NPM2: variants seen among roughly 807,000 people sequenced by gnomAD.
NPM2 encodes the protein nucleoplasmin-2.
Under a neutral mutation model 32.0 loss-of-function variants are expected in NPM2, and 25 were observed. The ratio of observed to expected loss-of-function variants is 0.78; its 90% confidence interval spans 0.57 to 1.09. The LOEUF is 1.09. Ranked by LOEUF, NPM2 falls within the 50% of genes least tolerant of loss-of-function variation. The pLI, the probability that NPM2 is intolerant of heterozygous loss-of-function variation, is 0.00. For synonymous variants in NPM2, 111 were observed against 94.2 expected, an observed-to-expected ratio of 1.18 and a Z score of -1.04; for missense variants, 282 against 259.9, an observed-to-expected ratio of 1.08 and a Z score of -0.58.
intron 5 of NPM2, among the ~76,000 whole-genome samples, chr8:22,027,463 TGATA>T (rs1323073620): frequency 6.6e-6 from 1 of 152,236 alleles, no homozygotes; most frequent in African/African-American, 2.4e-5. Context: ...TAAATGGCTT[TGATA>T]GATATCTAAT....
At chr8:22,028,191 C>T (rs568841583) in intron 5 of NPM2, among the ~76,000 whole-genome samples, 4 of 152,262 alleles carry the variant, frequency 2.6e-5, no homozygotes, top group South Asian at 2.1e-4. Flanking sequence ...CACACTCATT[C>T]GTTTGTACCC....
In NPM2 at chr8:22,033,178, C is replaced by T. The variant is rs376756058; in HGVS notation, c.319C>T (p.Arg107Trp). ...TTCTCCCCCAGTTACTTTCCAGCTC[C>T]GGGCTGGCTCAGGACCCGTGTTCCT... ...QLSPPVTFQL[R>W]AGSGPVFLSG... Residue 107 changes from arginine to tryptophan, a missense_variant, in exon 6 of 10, where the codon CGG (arginine) becomes TGG (tryptophan). Physicochemically the swap from Arg to Trp is moderately radical, Grantham distance 101. Transcript: ENST00000518119. 79 of 1,613,970 alleles carry T rather than the reference C, an allele frequency of 4.9e-5. No individual in the cohort carries two copies. The South Asian group carries it at 6.7e-4, about 14-fold the overall frequency.
rs1448583386 is a variant in NPM2, at chr8:22,034,155, G to A, written c.411G>A (p.Glu137=). 1.2e-6 allele frequency: 2 copies of A among 1,611,808 alleles called. No individual in the cohort carries two copies. The highest frequency in any genetic ancestry group is 1.7e-5 in the Admixed American group (1 of 59,916). The part of the protein sequence containing the change: ...TWEEEEEEEG[E]EEEEEEEDDE... ...AGGAGGAGGAGGAAGAAGAAGGGGAGGAGGAGGAAGAGGAAGAGGAAGATG... is the reference window on the plus strand; with the variant it reads ...AGGAGGAGGAGGAAGAAGAAGGGGAAGAGGAGGAAGAGGAAGAGGAAGATG... Residue 137 remains glutamate (E), a synonymous_variant, in exon 7 of 10, where the codon GAG becomes GAA. Transcript: ENST00000518119.
At chr8:22,035,358 T>TAG (rs1800585965) in intron 8 of NPM2, among the ~76,000 whole-genome samples, 1 of 152,144 alleles carries the variant, frequency 6.6e-6, no homozygotes, top group Non-Finnish European at 1.5e-5. Flanking sequence ...ACTGCAGCCT[T>TAG]AGCTTCCTGG....
At chr8:22,029,529 A>G (rs1800366365) in intron 5 of NPM2, among the ~76,000 whole-genome samples, 1 of 152,190 alleles carries the variant, frequency 6.6e-6, no homozygotes, top group African/African-American at 2.4e-5. Context: ...CATTACTAGT[A>G]CTATTGTATT....
chr8:22,026,759 T>G (rs1438508425), intron 5 of NPM2, among the ~76,000 whole-genome samples: 1 of 152,132 alleles, frequency 6.6e-6, no homozygotes, highest in Non-Finnish European at 1.5e-5. Context: ...CAGGTCTTTT[T>G]TCTTTCTTTC....
chr8:22,029,702 TATC>T (rs1277559041), intron 5 of NPM2, among the ~76,000 whole-genome samples: 1 of 152,252 alleles, frequency 6.6e-6, no homozygotes, highest in Admixed American at 6.5e-5. Flanking sequence ...TGTCTGGAAA[TATC>T]ATGATTTTGC....
intron 5 of NPM2, among the ~76,000 whole-genome samples, chr8:22,030,651 T>C (rs1266767088): frequency 1.3e-5 from 2 of 151,694 alleles, no homozygotes; most frequent in African/African-American, 4.9e-5. Flanking sequence ...GTTTTAAACA[T>C]ATACATATAT....
chr8:22,035,669 C>T (rs572350228), intron 8 of NPM2, among the ~76,000 whole-genome samples: 53 of 152,306 alleles, frequency 3.5e-4, no homozygotes, highest in Non-Finnish European at 7.1e-4. Context: ...TACGGTGGCT[C>T]ACGCCTGTAA....
At chr8:22,032,269 T>C (rs1337576243) in intron 5 of NPM2, among the ~76,000 whole-genome samples, 1 of 152,254 alleles carries the variant, frequency 6.6e-6, no homozygotes, top group South Asian at 2.1e-4. Context: ...CTGACAATTA[T>C]GGTTAGCACT....
In NPM2 at chr8:22,036,687, C is replaced by T. The variant is rs780749712; in HGVS notation, c.*5C>T. On this transcript the variant is annotated 3_prime_UTR_variant, in exon 10 of 10. Transcript: ENST00000518119. Reference sequence around the variant, plus strand: ...AAGCCAGGATTCAAGAAATGAGGAGCCACGCCTTGGGGGGCACGGTGCAAA... The same window carrying T: ...AAGCCAGGATTCAAGAAATGAGGAGTCACGCCTTGGGGGGCACGGTGCAAA... 4.8e-5 allele frequency: 74 copies of T among 1,546,310 alleles called. No individual in the cohort carries two copies. The highest frequency in any genetic ancestry group is 3.1e-4 in the South Asian group (26 of 83,718).
intron 2 of NPM2, 167 bp from the exon 3 acceptor site, chr8:22,025,049 G>A: frequency 1.7e-6 from 1 of 577,486 alleles, no homozygotes; most frequent in Non-Finnish European, 3.0e-6. Flanking sequence ...CCCGCTAGGA[G>A]GTGGGTACTC....
At chr8:22,036,046 A>C (rs989677702) in intron 8 of NPM2, among the ~76,000 whole-genome samples, 1 of 151,982 alleles carries the variant, frequency 6.6e-6, no homozygotes, top group Non-Finnish European at 1.5e-5. Context: ...TTTCTTGTCT[A>C]TTTGCTATAT....
At chr8:22,035,855 C>G (rs912909857) in intron 8 of NPM2, among the ~76,000 whole-genome samples, 4 of 151,492 alleles carry the variant, frequency 2.6e-5, no homozygotes, top group Admixed American at 2.6e-4. Flanking sequence ...ATCACTTAGA[C>G]CCGGAATGCG....
chr8:22,025,471 T>C lies in NPM2; in HGVS notation c.94T>C (p.Phe32Leu), dbSNP rs747212668. ...CAGTCAGGAGAGGCGGACTTGGACCTTCAGACCCCAGCTGGAGGGGAAGCA... is the reference window on the plus strand; with the variant it reads ...CAGTCAGGAGAGGCGGACTTGGACCCTCAGACCCCAGCTGGAGGGGAAGCA... ...ELSQERRTWT[F>L]RPQLEGKQSC... is the part of the protein sequence containing the mutation. Residue 32 changes from phenylalanine (F) to leucine (L), a missense_variant, in exon 4 of 10, where the codon TTC becomes CTC. Coordinates refer to ENST00000518119, the MANE Select transcript of NPM2 (RefSeq NM_001286680.2). 7 of 1,614,024 alleles carry C rather than the reference T, an allele frequency of 4.3e-6. No individual in the cohort carries two copies. The highest frequency in any genetic ancestry group is 4.5e-5 in the East Asian group (2 of 44,884).
At chr8:22,030,118 C>A (rs1053277640) in intron 5 of NPM2, among the ~76,000 whole-genome samples, 2 of 152,170 alleles carry the variant, frequency 1.3e-5, no homozygotes, top group Non-Finnish European at 2.9e-5. Flanking sequence ...TTAGCTCCCC[C>A]AATGTTTCTT....
chr8:22,033,155 C>T lies in NPM2; in HGVS notation c.296C>T (p.Ser99Phe). The stretch of plus-strand genomic sequence containing the variant: ...GTCTCCATGGTAGGAGTGCAGCTTT[C>T]TCCCCCAGTTACTTTCCAGCTCCGG... ...PMVSMVGVQL[S>F]PPVTFQLRAG... Residue 99 changes from serine to phenylalanine, a missense_variant, in exon 6 of 10, where the codon TCT becomes TTT. Transcript: ENST00000518119. The T allele has an allele frequency of 1.2e-6, 2 of 1,614,134 alleles. No homozygotes were observed. Among genetic ancestry groups the T allele is most frequent in the Non-Finnish European group, 1.7e-6 (2 of 1,179,998 alleles).
intron 3 of NPM2, 52 bp from the exon 4 acceptor site, chr8:22,025,384 C>T (rs1800206186): frequency 7.5e-6 from 12 of 1,606,138 alleles, no homozygotes; most frequent in Non-Finnish European, 1.0e-5. Context: ...AGGTGAGCCC[C>T]TCCTTTGGGA....
At chr8:22,031,600 C>A (rs894964360) in intron 5 of NPM2, among the ~76,000 whole-genome samples, 2 of 152,214 alleles carry the variant, frequency 1.3e-5, no homozygotes, top group Non-Finnish European at 2.9e-5. Context: ...TGTGCACCAT[C>A]ACACCTGGCT....
Sources: allele counts gnomAD v4.1 joint callset (sites outside exome capture counted in the v4.1 genomes callset), GRCh38; gene constraint gnomAD v4.1.1; transcripts MANE v1.5; gene names NCBI Gene and HGNC (gene_info 2026-07-23, HGNC 2026-07-21).